RAB31: variants seen among roughly 807,000 people sequenced by gnomAD.
RAB31 encodes RAB31, member RAS oncogene family.
RAB31 carries 21 observed loss-of-function variants against 25.6 expected under a neutral mutation model. That is an observed-to-expected ratio of 0.82 (90% CI 0.58 to 1.18). RAB31 has a LOEUF of 1.18. Among genes scored for constraint, RAB31 ranks in the 50% most tolerant of loss-of-function variants. RAB31 has a pLI of 0.00. For missense variants in RAB31, 196 were observed against 250.1 expected, an observed-to-expected ratio of 0.78 and a Z score of 1.46; for synonymous variants, 87 against 84.0, an observed-to-expected ratio of 1.04 and a Z score of -0.20.
intron 2 of RAB31, among the ~76,000 whole-genome samples, chr18:9,775,816 T>A (rs1297240652): frequency 6.6e-6 from 1 of 152,002 alleles, no homozygotes; most frequent in Non-Finnish European, 1.5e-5. Context: ...TGAGACTGAG[T>A]GTTGCTCTGT....
intron 3 of RAB31, among the ~76,000 whole-genome samples, chr18:9,802,560 A>T (rs2068519395): frequency 6.6e-6 from 1 of 152,160 alleles, no homozygotes; most frequent in Non-Finnish European, 1.5e-5. Context: ...TATAAGAGGG[A>T]TCCACACTGA....
At chr18:9,846,591 T>A (rs779677465) in intron 6 of RAB31, among the ~76,000 whole-genome samples, 1 of 152,204 alleles carries the variant, frequency 6.6e-6, no homozygotes, top group Non-Finnish European at 1.5e-5. Context: ...GTAATTGTCC[T>A]CAAATATCTT....
rs1186730347 is a variant in RAB31, at chr18:9,845,707, TG to T, written c.490+19del. On this transcript the variant is annotated intron_variant, in intron 6 of 6. Coordinates refer to ENST00000578921, the MANE Select transcript of RAB31 (RefSeq NM_006868.4). ...CAAGGAATCAGTAAGTACCTGAAAT[TG>T]GGTTTTCAGCCCAACTTGCATTTTT... is the stretch of plus-strand genomic sequence containing the variant. 3 of 1,532,478 alleles carry T rather than the reference TG, an allele frequency of 2.0e-6. No individual in the cohort carries two copies. The highest frequency in any genetic ancestry group is 4.4e-5 in the Admixed American group (2 of 44,966). 94.9% of individuals were successfully genotyped at this position (1,532,478 alleles called of 1,614,324 possible).
intron 1 of RAB31, chr18:9,775,008 T>A: frequency 1.8e-6 from 1 of 562,854 alleles, no homozygotes; most frequent in Non-Finnish European, 3.3e-6. Flanking sequence ...ATAGTGAACA[T>A]GTTCATTTTT....
chr18:9,843,731 G>A (rs559616104), intron 5 of RAB31, among the ~76,000 whole-genome samples: 1 of 152,250 alleles, frequency 6.6e-6, no homozygotes, highest in South Asian at 2.1e-4. Flanking sequence ...ATGTCGGGGT[G>A]TACTTTTCCC....
chr18:9,807,190 G>T (rs1467662784), intron 3 of RAB31, among the ~76,000 whole-genome samples: 1 of 152,210 alleles, frequency 6.6e-6, no homozygotes, highest in Non-Finnish European at 1.5e-5. Flanking sequence ...GCACATGGGG[G>T]TAAATGACAC....
Position 9,792,208 on chromosome 18 carries a change from C to A in RAB31, c.174C>A (p.Leu58=). ...VPCGNELHKF[L]IWDTAGQERF... ...GTGGAAATGAACTTCACAAGTTCCT[C>A]ATCTGGGACACTGCTGGTCAGGAAC... The change falls in exon 3 of 7, where the codon CTC becomes CTA. Residue 58 remains leucine (L), a synonymous_variant. Transcript: ENST00000578921. 6.2e-7 allele frequency: 1 copy of A among 1,612,470 alleles called. No individual in the cohort carries two copies. Among genetic ancestry groups the A allele is most frequent in the South Asian group, 1.1e-5 (1 of 90,540 alleles).
intron 1 of RAB31, among the ~76,000 whole-genome samples, chr18:9,749,340 A>C (rs528287130): frequency 2.6e-5 from 3 of 115,746 alleles, no homozygotes; most frequent in African/African-American, 9.8e-5. Context: ...TTTACGGAAC[A>C]GAGGGAACAG....
chr18:9,719,561 C>CT (rs2068064088), intron 1 of RAB31, among the ~76,000 whole-genome samples: 1 of 151,572 alleles, frequency 6.6e-6, no homozygotes, highest in Non-Finnish European at 1.5e-5. Flanking sequence ...CCCTCCTTTT[C>CT]TGTAACACTC....
At chr18:9,787,730 T>C (rs1321721190) in intron 2 of RAB31, 1 of 152,912 alleles carries the variant, frequency 6.5e-6, no homozygotes, top group Non-Finnish European at 1.5e-5. Flanking sequence ...CAAGCATTAA[T>C]TGACATCAGA....
rs151089604 is a variant in RAB31, at chr18:9,839,309, G to A, written c.381-6273G>A. On this transcript the variant is annotated intron_variant, in intron 5 of 6. Coordinates refer to ENST00000578921, the MANE Select transcript of RAB31 (RefSeq NM_006868.4). The stretch of plus-strand genomic sequence containing the variant: ...ATTTAAAATGGCTGTGGCTTCGGGG[G>A]CAAACAGGGGAAGAGTAAGGCATGA... 2.6e-3 allele frequency among the ~76,000 whole-genome samples: 402 copies of A among 152,306 alleles called. 3 individuals carry two copies. The highest frequency in any genetic ancestry group is 8.9e-3 in the African/African-American group (370 of 41,566).
At chr18:9,849,782 C>T (rs1470121069) in intron 6 of RAB31, 4 of 152,204 alleles carry the variant, frequency 2.6e-5, no homozygotes, top group Admixed American at 6.5e-5. Context: ...CAGAGCAAAC[C>T]GCAGGAGCCA....
chr18:9,827,626 G>A (rs926946608), intron 5 of RAB31, among the ~76,000 whole-genome samples: 7 of 151,714 alleles, frequency 4.6e-5, no homozygotes, highest in African/African-American at 1.7e-4. Context: ...GGAGGGATGG[G>A]TGGGACTGCT....
chr18:9,726,025 A>G (rs1264107654), intron 1 of RAB31: 1 of 152,172 alleles, frequency 6.6e-6, no homozygotes, highest in Non-Finnish European at 1.5e-5. Flanking sequence ...TTCGATCTGC[A>G]GGTGTGAAGG....
At chr18:9,714,137 C>G (rs529949332) in intron 1 of RAB31, among the ~76,000 whole-genome samples, 13 of 152,228 alleles carry the variant, frequency 8.5e-5, no homozygotes, top group South Asian at 4.1e-4. Context: ...TAGGTCTGCT[C>G]TAAGGCCACA....
chr18:9,731,816 G>A (rs1356522586), intron 1 of RAB31, among the ~76,000 whole-genome samples: 1 of 151,892 alleles, frequency 6.6e-6, no homozygotes, highest in Non-Finnish European at 1.5e-5. Flanking sequence ...GGCTGGTCTC[G>A]AACTCCTGGC....
chr18:9,755,865 C>T (rs891874024), intron 1 of RAB31, among the ~76,000 whole-genome samples: 29 of 152,350 alleles, frequency 1.9e-4, no homozygotes, highest in Admixed American at 5.9e-4. Flanking sequence ...TGCTCAGAGG[C>T]TGCAATGTGG....
At chr18:9,729,144 G>A (rs2068109590) in intron 1 of RAB31, among the ~76,000 whole-genome samples, 1 of 152,036 alleles carries the variant, frequency 6.6e-6, no homozygotes, top group East Asian at 1.9e-4. Flanking sequence ...AAATCATACC[G>A]ATATTTAGAA....
At chr18:9,801,097 A>C (rs914226443) in intron 3 of RAB31, among the ~76,000 whole-genome samples, 2 of 152,204 alleles carry the variant, frequency 1.3e-5, no homozygotes, top group Non-Finnish European at 2.9e-5. Context: ...ACTTAGGATA[A>C]GATTATCAAG....
Sources: gnomAD v4.1 joint callset for allele counts (sites outside exome capture counted in the v4.1 genomes callset) on GRCh38, gnomAD v4.1.1 for gene constraint, MANE v1.5 for transcripts, NCBI Gene and HGNC (gene_info 2026-07-23, HGNC 2026-07-21) for gene names.